The following MIEF1 variants were observed in gnomAD, a reference collection of about 807,000 sequenced individuals.
MIEF1 encodes the protein mitochondrial elongation factor 1, also known as mitochondrial dynamics protein MIEF1.
A neutral mutation model predicts 35.1 loss-of-function variants in MIEF1; 14 were observed. That is an observed-to-expected ratio of 0.40 (90% CI 0.26 to 0.62). MIEF1 has a LOEUF of 0.62. Among genes scored for constraint, MIEF1 ranks in the 20% least tolerant of loss-of-function variants. The pLI is 0.43. For missense variants in MIEF1, 542 were observed against 615.4 expected (o/e 0.88, Z 1.26); for synonymous variants, 245 against 254.3 (o/e 0.96, Z 0.35).
Position 39,515,441 on chromosome 22 carries a change from T to C in MIEF1, c.*1118T>C. 1.5e-6 allele frequency: 1 copy of C among 680,946 alleles called. No individual in the cohort carries two copies. The highest frequency in any genetic ancestry group is 2.7e-5 in the East Asian group (1 of 37,100). The allele number at this position is 680,946 out of a possible 1,614,324, so 42.2% of individuals were successfully genotyped here. ...CATCCTCCAGCGTCTGCCATAGGAA[T>C]GTGAGAGGGGTGTTTGCTGAGCGCT... On this transcript the variant is annotated 3_prime_UTR_variant, in exon 6 of 6. Transcript: ENST00000325301.
Position 39,515,224 on chromosome 22 carries a change from A to G in MIEF1, c.*901A>G. 1.4e-6 allele frequency: 1 copy of G among 703,482 alleles called. No homozygotes were observed. Among genetic ancestry groups the G allele is most frequent in the Non-Finnish European group, 2.6e-6 (1 of 378,376 alleles). The allele number at this position is 703,482 out of a possible 1,614,324, so 43.6% of individuals were successfully genotyped here. A position where few individuals can be genotyped will look rare whatever the true frequency, so the allele number is the denominator to read the frequency against. ...CACACCTTTTCCTTATTTTATTGCC[A>G]ATCAGGACAAGGCCTTGAAGGAACG... On this transcript the variant is annotated 3_prime_UTR_variant, in exon 6 of 6. Coordinates refer to ENST00000325301, the MANE Select transcript of MIEF1 (RefSeq NM_019008.6).
Position 39,511,937 on chromosome 22 carries a change from G to C in MIEF1, c.233G>C (p.Gly78Ala). Residue 78 changes from glycine to alanine, a missense_variant, in exon 4 of 6, where the codon GGC becomes GCC. Gly to Ala is a moderately conservative substitution (Grantham distance 60). Coordinates refer to ENST00000325301, the MANE Select transcript of MIEF1 (RefSeq NM_019008.6). ...KRSWEEPNWM[G>A]SPRLLNRDMK... ...AGCTGGGAAGAACCCAACTGGATGG[G>C]CTCCCCACGACTGCTGAACAGGGAC... 1.2e-6 allele frequency: 2 copies of C among 1,614,214 alleles called. No individual in the cohort carries two copies. The highest frequency in any genetic ancestry group is 1.7e-6 in the Non-Finnish European group (2 of 1,180,038).
chr22:39,510,266 TTTTTTA>T (rs1019465508), intron 2 of MIEF1, among the ~76,000 whole-genome samples: 9 of 152,082 alleles, frequency 5.9e-5, no homozygotes, highest in African/African-American at 1.9e-4. Flanking sequence ...CCCATTTTGT[TTTTTTA>T]TTTTTATTTT....
chr22:39,507,135 G>A (rs1930054043), intron 2 of MIEF1, among the ~76,000 whole-genome samples: 2 of 152,146 alleles, frequency 1.3e-5, no homozygotes, highest in South Asian at 2.1e-4. Flanking sequence ...AGTAAGGTCC[G>A]TGTCTGTCTG....
rs1245881284 is a variant in MIEF1 at position 39,511,357 on chromosome 22, C to T, written c.63C>T (p.Asp21=). ...ACAATGGCATTGGCACGGCCATTGACTTTGTGCTCTCCAATGCCCGGCTGG... is the reference window on the plus strand; with the variant it reads ...ACAATGGCATTGGCACGGCCATTGATTTTGTGCTCTCCAATGCCCGGCTGG... ...KDDNGIGTAI[D]FVLSNARLVL... Residue 21 remains aspartate (D), a synonymous_variant, in exon 3 of 6, where the codon GAC becomes GAT. Coordinates refer to ENST00000325301, the MANE Select transcript of MIEF1 (RefSeq NM_019008.6). 6.2e-7 allele frequency: 1 copy of T among 1,613,484 alleles called. No homozygotes were observed. Among genetic ancestry groups the T allele is most frequent in the Non-Finnish European group, 8.5e-7 (1 of 1,179,750 alleles).
Position 39,513,637 on chromosome 22 carries a change from G to T in MIEF1, c.706G>T (p.Glu236Ter). ...NVPGFFLVRR[E>*]NPEYFPRGSS... ...CCCTGGCTTCTTCCTGGTGCGTCGT[G>T]AGAATCCAGAGTACTTTCCTCGTGG... Residue 236 changes from glutamate to a stop codon, truncating the protein, a stop_gained, in exon 6 of 6, where the codon GAG becomes TAG. Transcript: ENST00000325301. LOFTEE classifies it high-confidence loss of function. 1 of 1,614,190 alleles carries T rather than the reference G, an allele frequency of 6.2e-7. No homozygotes were observed. The highest frequency in any genetic ancestry group is 8.5e-7 in the Non-Finnish European group (1 of 1,180,034).
rs1930320709 is a variant in MIEF1, at chr22:39,511,335, A to G, written c.41A>G (p.Asn14Ser). Residue 14 changes from asparagine to serine, a missense_variant, in exon 3 of 6, where the codon AAT becomes AGT. Asn to Ser is a conservative substitution (Grantham distance 46). Coordinates refer to ENST00000325301, the MANE Select transcript of MIEF1 (RefSeq NM_019008.6). Reference sequence around the variant, plus strand: ...GAGCGCAAAGGCAAGAAGGATGACAATGGCATTGGCACGGCCATTGACTTT... The same window carrying G: ...GAGCGCAAAGGCAAGAAGGATGACAGTGGCATTGGCACGGCCATTGACTTT... ...AGERKGKKDDNGIGTAIDFVL... is the reference protein window; with the variant it reads ...AGERKGKKDDSGIGTAIDFVL... The G allele has an allele frequency of 4.3e-6, 7 of 1,613,850 alleles. No homozygotes were observed. Among genetic ancestry groups the G allele is most frequent in the Middle Eastern group, 1.6e-4 (1 of 6,080 alleles).
intron 1 of MIEF1, chr22:39,503,397 G>A (rs906224427): frequency 1.3e-5 from 2 of 152,198 alleles, no homozygotes; most frequent in East Asian, 3.8e-4. Flanking sequence ...CTGTTACTAA[G>A]AACCCTGACC....
chr22:39,507,283 C>T (rs936031507), intron 2 of MIEF1, among the ~76,000 whole-genome samples: 3 of 151,942 alleles, frequency 2.0e-5, no homozygotes, highest in Non-Finnish European at 2.9e-5. Context: ...CTTGCTCTGT[C>T]ACCCAGGCTG....
chr22:39,516,454 C>T lies in MIEF1; in HGVS notation c.*2131C>T, dbSNP rs1294289758. 6.6e-6 allele frequency: 1 copy of T among 152,222 alleles called. No individual in the cohort carries two copies. The highest frequency in any genetic ancestry group is 1.5e-5 in the Non-Finnish European group (1 of 68,034). 9.4% of individuals were successfully genotyped at this position (152,222 alleles called of 1,614,324 possible). A position where few individuals can be genotyped will look rare whatever the true frequency, so the allele number is the denominator to read the frequency against. On this transcript the variant is annotated 3_prime_UTR_variant, in exon 6 of 6. Transcript: ENST00000325301. ...GTGCGGTGGCTCATGCTTGTAATCCCAGCACTGGGAAGCTAAGGCGGGTGG... is the reference window on the plus strand; with the variant it reads ...GTGCGGTGGCTCATGCTTGTAATCCTAGCACTGGGAAGCTAAGGCGGGTGG...
chr22:39,509,342 CG>C (rs1477980463), intron 2 of MIEF1: 2 of 152,208 alleles, frequency 1.3e-5, no homozygotes, highest in Admixed American at 6.5e-5. Context: ...GTGAAGGACA[CG>C]GGATATTATA....
chr22:39,514,287 C>T lies in MIEF1; in HGVS notation c.1356C>T (p.Cys452=). 2 of 1,614,066 alleles carry T rather than the reference C, an allele frequency of 1.2e-6. No homozygotes were observed. The highest frequency in any genetic ancestry group is 1.7e-6 in the Non-Finnish European group (2 of 1,180,026). Residue 452 remains cysteine (C), a synonymous_variant, in exon 6 of 6, where the codon TGC becomes TGT. Coordinates refer to ENST00000325301, the MANE Select transcript of MIEF1 (RefSeq NM_019008.6). ...ACGAATTAGGATACACTCTGTATTG[C>T]TCATTGTCTGAGCCAGAGGTGCTGC... is the stretch of plus-strand genomic sequence containing the variant. ...EIDELGYTLY[C]SLSEPEVLLQ...
rs771312345 is a variant in MIEF1, at chr22:39,514,056, G to A, written c.1125G>A (p.Pro375=). ...KILKAICKST[P]ALGHLTASQL... is the part of the protein sequence containing the mutation. ...TCAAGGCCATATGCAAGTCCACCCC[G>A]GCTCTGGGCCACCTCACTGCCAGCC... The change falls in exon 6 of 6, where the codon CCG becomes CCA. Residue 375 remains proline, a synonymous_variant. Coordinates refer to ENST00000325301, the MANE Select transcript of MIEF1 (RefSeq NM_019008.6). The A allele has an allele frequency of 5.4e-5, 87 of 1,613,844 alleles. No individual in the cohort carries two copies. Among genetic ancestry groups the A allele is most frequent in the Non-Finnish European group, 6.6e-5 (78 of 1,180,034 alleles).
In MIEF1 at chr22:39,514,933, A is replaced by C. The variant is rs890774691; in HGVS notation, c.*610A>C. 9.4e-6 allele frequency: 3 copies of C among 320,672 alleles called. No individual in the cohort carries two copies. The highest frequency in any genetic ancestry group is 2.1e-5 in the African/African-American group (1 of 46,720). The allele number at this position is 320,672 out of a possible 1,614,324, so 19.9% of individuals were successfully genotyped here. A position where few individuals can be genotyped will look rare whatever the true frequency, so the allele number is the denominator to read the frequency against. On this transcript the variant is annotated 3_prime_UTR_variant, in exon 6 of 6. Transcript: ENST00000325301. Reference sequence around the variant, plus strand: ...GGAGTAGAAGTCCATCCTCCCCCCAACCTCCTGACCCATTCATAAATGCTG... The same window carrying C: ...GGAGTAGAAGTCCATCCTCCCCCCACCCTCCTGACCCATTCATAAATGCTG...
At chr22:39,505,900 T>TA (rs1929991098) in intron 2 of MIEF1, among the ~76,000 whole-genome samples, 1 of 152,114 alleles carries the variant, frequency 6.6e-6, no homozygotes, top group African/African-American at 2.4e-5. Flanking sequence ...GCCTGCCAGC[T>TA]GGGTGGAGGG....
chr22:39,513,940 T>C lies in MIEF1; in HGVS notation c.1009T>C (p.Trp337Arg). The change falls in exon 6 of 6, where the codon TGG becomes CGG. Residue 337 changes from tryptophan (W) to arginine (R), a missense_variant. By Grantham distance (101) the Trp-to-Arg change is moderately radical (BLOSUM62 -3). Transcript: ENST00000325301. ...CCGGCTAGCCCAGTATGACAACCTG[T>C]GGCGGCTGAGCCTGCGTCCCGCGGA... ...PHRLAQYDNL[W>R]RLSLRPAETA... 1 of 1,613,562 alleles carries C rather than the reference T, an allele frequency of 6.2e-7. No individual in the cohort carries two copies. The highest frequency in any genetic ancestry group is 8.5e-7 in the Non-Finnish European group (1 of 1,180,028).
Position 39,514,851 on chromosome 22 carries a change from A to G in MIEF1, c.*528A>G. ...TCTACAGAGCGAGTGCTGAGACAGT[A>G]TTTAGGGTTTCTGGGAGTGAGGCTG... On this transcript the variant is annotated 3_prime_UTR_variant, in exon 6 of 6. Transcript: ENST00000325301. The G allele has an allele frequency of 4.0e-6, 1 of 253,092 alleles. No individual in the cohort carries two copies. The highest frequency in any genetic ancestry group is 5.9e-5 in the South Asian group (1 of 17,010). 15.7% of individuals were successfully genotyped at this position (253,092 alleles called of 1,614,324 possible). A position where few individuals can be genotyped will look rare whatever the true frequency, so the allele number is the denominator to read the frequency against.
rs780678940 is a variant in MIEF1, at chr22:39,511,371, A to G, written c.77A>G (p.Asn26Ser). The change falls in exon 3 of 6, where the codon AAT becomes AGT. Residue 26 changes from asparagine (N) to serine (S), a missense_variant. Physicochemically the swap from Asn to Ser is conservative, Grantham distance 46. Transcript: ENST00000325301. ...IGTAIDFVLS[N>S]ARLVLGVGGA... ...ACGGCCATTGACTTTGTGCTCTCCA[A>G]TGCCCGGCTGGTGCTGGGGGTGGGT... 7.4e-6 allele frequency: 12 copies of G among 1,612,468 alleles called. No individual in the cohort carries two copies. The highest frequency in any genetic ancestry group is 6.7e-5 in the African/African-American group (5 of 74,908).
rs1930768158 is a variant in MIEF1, at chr22:39,518,007, G to C, written c.*3684G>C. ...GTCTTGGTTAGCTCTATATAAGTAG[G>C]GGCAGCTTAGCCCTGAGGCCCAGAG... On this transcript the variant is annotated 3_prime_UTR_variant, in exon 6 of 6. Coordinates refer to ENST00000325301, the MANE Select transcript of MIEF1 (RefSeq NM_019008.6). 6.4e-6 allele frequency: 1 copy of C among 155,904 alleles called. No homozygotes were observed. The highest frequency in any genetic ancestry group is 1.8e-4 in the South Asian group (1 of 5,478). 9.7% of individuals were successfully genotyped at this position (155,904 alleles called of 1,614,324 possible).
Sources: allele counts gnomAD v4.1 joint callset (sites outside exome capture counted in the v4.1 genomes callset), GRCh38; gene constraint gnomAD v4.1.1; transcripts MANE v1.5; gene names NCBI Gene and HGNC (gene_info 2026-07-23, HGNC 2026-07-21).